ZSCAN21: variants seen among roughly 807,000 people sequenced by gnomAD.
The protein encoded by ZSCAN21 is zinc finger and SCAN domain containing 21, also known as zinc finger and SCAN domain-containing protein 21.
ZSCAN21 carries 26 observed loss-of-function variants against 35.6 expected under a neutral mutation model. The observed-to-expected ratio is 0.73, with a 90% CI of 0.54 to 1.01. ZSCAN21 has a LOEUF of 1.01. Among genes scored for constraint, ZSCAN21 ranks in the 50% least tolerant of loss-of-function variants. ZSCAN21 has a pLI of 0.00. For missense variants in ZSCAN21, 593 were observed against 587.1 expected (o/e 1.01, Z -0.10); for synonymous variants, 219 against 219.3 (o/e 1.00, Z 0.01).
chr7:100,058,731 A>C (rs759105014), intron 3 of ZSCAN21, among the ~76,000 whole-genome samples: 69 of 152,340 alleles, frequency 4.5e-4, no homozygotes, highest in Non-Finnish European at 8.8e-5. Context: ...TTTTTCTGAG[A>C]CAGGGATTCC....
At chr7:100,061,723 A>G (rs1333380503) in intron 3 of ZSCAN21, among the ~76,000 whole-genome samples, 1 of 152,180 alleles carries the variant, frequency 6.6e-6, no homozygotes, top group Non-Finnish European at 1.5e-5. Flanking sequence ...ACTGTCAGCA[A>G]AGGAAGGAGA....
chr7:100,055,721 A>C (rs1408229738), intron 1 of ZSCAN21, among the ~76,000 whole-genome samples: 2 of 150,566 alleles, frequency 1.3e-5, no homozygotes, highest in Non-Finnish European at 3.0e-5. Flanking sequence ...GTTCACTGCA[A>C]GCTCCACGTC....
chr7:100,064,305 C>T lies in ZSCAN21; in HGVS notation c.1110C>T (p.Ser370=), dbSNP rs369446597. 8.1e-6 allele frequency: 13 copies of T among 1,613,792 alleles called. No homozygotes were observed. The highest frequency in any genetic ancestry group is 2.2e-5 in the East Asian group (1 of 44,880). ...YQCKDCGKAF[S]GKGSLIRHYR... is the part of the protein sequence containing the mutation. ...GCAAAGATTGTGGCAAGGCTTTCAGCGGGAAAGGCAGCCTCATTCGTCACT... is the reference window on the plus strand; with the variant it reads ...GCAAAGATTGTGGCAAGGCTTTCAGTGGGAAAGGCAGCCTCATTCGTCACT... The change falls in exon 4 of 4, where the codon AGC becomes AGT. Residue 370 remains serine, a synonymous_variant. Transcript: ENST00000292450.
chr7:100,058,012 C>A, intron 3 of ZSCAN21, 122 bp downstream of exon 3: 1 of 949,302 alleles, frequency 1.1e-6, no homozygotes. Flanking sequence ...GTTGGGCTGA[C>A]TGGGTGGAAA....
At chr7:100,062,099 G>A (rs117794117) in intron 3 of ZSCAN21, among the ~76,000 whole-genome samples, 1 of 152,202 alleles carries the variant, frequency 6.6e-6, no homozygotes, top group Non-Finnish European at 1.5e-5. Context: ...GATCTGGGGC[G>A]GGAATGATTG....
chr7:100,052,155 G>A (rs960740637), intron 1 of ZSCAN21, among the ~76,000 whole-genome samples: 4 of 152,030 alleles, frequency 2.6e-5, no homozygotes, highest in Non-Finnish European at 5.9e-5. Context: ...TACTTTGGAG[G>A]CTGAGGTGAG....
intron 1 of ZSCAN21, 75 bp from the exon 2 acceptor site, chr7:100,056,836 G>A (rs528220321): frequency 1.6e-6 from 1 of 633,566 alleles, no homozygotes; most frequent in African/African-American, 1.8e-5. Flanking sequence ...ACAATTTCTT[G>A]TGTTAAAGGT....
Position 100,064,528 on chromosome 7 carries a change from T to C in ZSCAN21, c.1333T>C (p.Trp445Arg), listed in dbSNP as rs760709685. ...HRIHTGEKPY[W>R]CHHCGKTFCS... ...AATCCACACCGGGGAAAAGCCCTAC[T>C]GGTGTCATCACTGTGGAAAGACCTT... is the stretch of plus-strand genomic sequence containing the variant. The change falls in exon 4 of 4, where the codon TGG becomes CGG. Residue 445 changes from tryptophan (W) to arginine (R), a missense_variant. Trp to Arg is a moderately radical substitution (Grantham distance 101). Coordinates refer to ENST00000292450, the MANE Select transcript of ZSCAN21 (RefSeq NM_145914.3). 6.2e-7 allele frequency: 1 copy of C among 1,614,220 alleles called. No homozygotes were observed. Among genetic ancestry groups the C allele is most frequent in the South Asian group, 1.1e-5 (1 of 91,088 alleles).
At chr7:100,050,794 C>T (rs892149203) in intron 1 of ZSCAN21, among the ~76,000 whole-genome samples, 11 of 152,122 alleles carry the variant, frequency 7.2e-5, no homozygotes, top group Admixed American at 2.6e-4. Flanking sequence ...AATTAAGAGG[C>T]AAGATAATTG....
At chr7:100,053,519 T>TTACATACA (rs56855067) in intron 1 of ZSCAN21, among the ~76,000 whole-genome samples, 29,450 of 101,572 alleles carry the variant, frequency 0.29, 4,486 homozygotes, top group East Asian at 0.57. Flanking sequence ...AGGAGGGCTC[T>TTACATACA]TACATACATA....
chr7:100,059,709 C>A (rs1042576117), intron 3 of ZSCAN21, among the ~76,000 whole-genome samples: 4 of 151,668 alleles, frequency 2.6e-5, no homozygotes, highest in African/African-American at 9.7e-5. Context: ...CACACCACCA[C>A]GCCCAGCTCT....
intron 3 of ZSCAN21, among the ~76,000 whole-genome samples, chr7:100,060,592 C>T (rs1207055272): frequency 6.7e-6 from 1 of 149,844 alleles, no homozygotes; most frequent in Non-Finnish European, 1.5e-5. Flanking sequence ...ACTGGCTGGG[C>T]ATGGTGGCTC....
At chr7:100,051,824 T>C (rs1389928662) in intron 1 of ZSCAN21, among the ~76,000 whole-genome samples, 1 of 152,040 alleles carries the variant, frequency 6.6e-6, no homozygotes, top group African/African-American at 2.4e-5. Flanking sequence ...ACCATGAACT[T>C]TTGCTTGATG....
intron 1 of ZSCAN21, among the ~76,000 whole-genome samples, chr7:100,054,951 A>T: frequency 1.5e-5 from 2 of 132,434 alleles, no homozygotes; most frequent in Admixed American, 8.9e-5. Flanking sequence ...ACTACTTATG[A>T]TCTCTCTTTT....
chr7:100,062,491 A>G, intron 3 of ZSCAN21, among the ~76,000 whole-genome samples: 1 of 151,400 alleles, frequency 6.6e-6, no homozygotes. Flanking sequence ...GCTACTCGGG[A>G]GGCTGAGGCA....
At chr7:100,062,606 A>C (rs1394081136) in intron 3 of ZSCAN21, among the ~76,000 whole-genome samples, 1 of 143,020 alleles carries the variant, frequency 7.0e-6, no homozygotes, top group African/African-American at 2.5e-5. Flanking sequence ...AAAAAAAAAA[A>C]AAACATCTGG....
chr7:100,051,900 T>C (rs1052562823), intron 1 of ZSCAN21, among the ~76,000 whole-genome samples: 13 of 152,024 alleles, frequency 8.6e-5, no homozygotes, highest in African/African-American at 3.1e-4. Context: ...CAATGTGAGT[T>C]AGTAATGAAG....
At chr7:100,063,378 A>G (rs1417805529) in intron 3 of ZSCAN21, among the ~76,000 whole-genome samples, 2 of 152,120 alleles carry the variant, frequency 1.3e-5, no homozygotes, top group Non-Finnish European at 2.9e-5. Context: ...CAGGCGGATC[A>G]CCTGAGGTCA....
At position 100,063,716 on chromosome 7, in the gene ZSCAN21, A is replaced by C. The variant is rs541340983; in HGVS notation, c.593-72A>C. On this transcript the variant is annotated intron_variant, in intron 3 of 3. Coordinates refer to ENST00000292450, the MANE Select transcript of ZSCAN21 (RefSeq NM_145914.3). ...ACCATCAGTCTCACCTGATGGTTCT[A>C]TCTCTCTGGTAACAGTTTCTTCCTC... The C allele has an allele frequency of 1.5e-5, 21 of 1,437,508 alleles. No individual in the cohort carries two copies. The East Asian group carries it at 1.6e-4, about 11-fold the overall frequency. 89.0% of individuals were successfully genotyped at this position (1,437,508 alleles called of 1,614,324 possible).
Sources: allele counts gnomAD v4.1 joint callset (sites outside exome capture counted in the v4.1 genomes callset), GRCh38; gene constraint gnomAD v4.1.1; transcripts MANE v1.5; gene names NCBI Gene and HGNC (gene_info 2026-07-23, HGNC 2026-07-21).